The following ACTR3C variants were observed in gnomAD, a reference collection of about 807,000 sequenced individuals.
ACTR3C encodes the protein actin-related protein 3C.
Under a neutral mutation model 26.3 loss-of-function variants are expected in ACTR3C, and 18 were observed. That is an observed-to-expected ratio of 0.68 (90% CI 0.47 to 1.01). The LOEUF (loss-of-function observed/expected upper bound fraction) is 1.01. Ranked by LOEUF, ACTR3C falls within the 50% of genes least tolerant of loss-of-function variation. ACTR3C has a pLI of 0.00. For synonymous variants in ACTR3C, 55 were observed against 94.5 expected, an observed-to-expected ratio of 0.58 and a Z score of 2.42; for missense variants, 184 against 250.7, an observed-to-expected ratio of 0.73 and a Z score of 1.80.
the ACTR3C span, among the ~76,000 whole-genome samples, chr7:150,225,984 A>G: frequency 6.6e-6 from 1 of 152,224 alleles, no homozygotes; most frequent in African/African-American, 2.4e-5. Context: ...TCAGTTAACA[A>G]CATGCATTTA....
At chr7:150,288,008 C>A (rs1835917236) in intron 4 of ACTR3C, among the ~76,000 whole-genome samples, 1 of 146,728 alleles carries the variant, frequency 6.8e-6, no homozygotes, top group Non-Finnish European at 1.5e-5. Context: ...CTCCCTCAGG[C>A]CTGTTCGCGA....
the ACTR3C span, among the ~76,000 whole-genome samples, chr7:150,054,222 G>C: frequency 6.6e-6 from 1 of 152,122 alleles, no homozygotes; most frequent in Non-Finnish European, 1.5e-5. Flanking sequence ...AGTTCTAAAT[G>C]GAATAAGCCA....
the ACTR3C span, among the ~76,000 whole-genome samples, chr7:149,913,140 G>A: frequency 1.2e-4 from 18 of 152,064 alleles, no homozygotes; most frequent in South Asian, 2.1e-4. Context: ...TAAAAAGTAC[G>A]CATCCTCAAA....
At chr7:150,070,330 T>C in the ACTR3C span, among the ~76,000 whole-genome samples, 1 of 152,178 alleles carries the variant, frequency 6.6e-6, no homozygotes, top group Non-Finnish European at 1.5e-5. Flanking sequence ...TCCACGGCAC[T>C]GGACAAAGGA....
chr7:150,170,809 T>A, the ACTR3C span, among the ~76,000 whole-genome samples: 1 of 147,808 alleles, frequency 6.8e-6, no homozygotes, highest in Non-Finnish European at 1.5e-5. Context: ...TTAATATGGG[T>A]CATAAAAGAG....
chr7:150,097,719 G>A, the ACTR3C span, among the ~76,000 whole-genome samples: 3 of 151,446 alleles, frequency 2.0e-5, 1 homozygote, highest in Non-Finnish European at 4.4e-5. Context: ...CATGAGGGAA[G>A]CGACACTGAC....
the ACTR3C span, among the ~76,000 whole-genome samples, chr7:150,019,276 G>T: frequency 6.7e-6 from 1 of 150,276 alleles, no homozygotes; most frequent in Non-Finnish European, 1.5e-5. Flanking sequence ...TTTTGTGAAA[G>T]AATTAATAAC....
the ACTR3C span, among the ~76,000 whole-genome samples, chr7:150,133,597 A>G: frequency 1.3e-5 from 2 of 152,122 alleles, no homozygotes; most frequent in African/African-American, 4.8e-5. Context: ...GCCCAAAGCC[A>G]CCAGCATCCC....
the ACTR3C span, among the ~76,000 whole-genome samples, chr7:149,902,440 G>T: frequency 1.3e-5 from 2 of 150,224 alleles, no homozygotes; most frequent in Non-Finnish European, 3.0e-5. Context: ...TCATAGCCAA[G>T]TAGGATTTAT....
chr7:150,232,150 C>T, the ACTR3C span, among the ~76,000 whole-genome samples: 4,316 of 152,224 alleles, frequency 0.028, 76 homozygotes, highest in South Asian at 0.04. Flanking sequence ...ATTTTTCTTG[C>T]TCTGCTATCT....
chr7:150,318,815 G>A (rs538755101), intron 1 of ACTR3C, among the ~76,000 whole-genome samples: 2 of 152,278 alleles, frequency 1.3e-5, no homozygotes, highest in East Asian at 3.9e-4. Flanking sequence ...CTGGGGGCCC[G>A]TGAGCCCAAA....
At chr7:150,134,231 G>GTAA in the ACTR3C span, among the ~76,000 whole-genome samples, 1 of 125,488 alleles carries the variant, frequency 8.0e-6, no homozygotes, top group Non-Finnish European at 1.6e-5. Flanking sequence ...GCTATATGCA[G>GTAA]TAAAAAAAAA....
chr7:150,001,422 G>A, the ACTR3C span: 1 of 152,296 alleles, frequency 6.6e-6, no homozygotes, highest in African/African-American at 2.4e-5. Context: ...TCCTCCTGTG[G>A]AGACGTTGTC....
the ACTR3C span, among the ~76,000 whole-genome samples, chr7:150,069,343 G>C: frequency 3.5e-3 from 534 of 152,090 alleles, 2 homozygotes; most frequent in African/African-American, 0.011. Context: ...TCTGAGATGA[G>C]AGAAGAGGTC....
At chr7:150,229,922 CT>C in the ACTR3C span, among the ~76,000 whole-genome samples, 1 of 151,724 alleles carries the variant, frequency 6.6e-6, no homozygotes, top group Non-Finnish European at 1.5e-5. Flanking sequence ...TTTTAAAATA[CT>C]TGGCAGAATT....
chr7:150,060,521 T>G, the ACTR3C span, among the ~76,000 whole-genome samples: 1 of 152,176 alleles, frequency 6.6e-6, no homozygotes, highest in African/African-American at 2.4e-5. Flanking sequence ...CCTCTCCACT[T>G]ACAGTTTTTG....
chr7:150,305,967 A>G (rs1795777970), intron 1 of ACTR3C, among the ~76,000 whole-genome samples: 1 of 152,096 alleles, frequency 6.6e-6, no homozygotes, highest in Non-Finnish European at 1.5e-5. Flanking sequence ...CTCCCCTTTA[A>G]CTATTCCATT....
chr7:150,138,623 A>T, the ACTR3C span, among the ~76,000 whole-genome samples: 3 of 152,260 alleles, frequency 2.0e-5, no homozygotes, highest in Non-Finnish European at 4.4e-5. Context: ...CAGCAAAGTG[A>T]TGCCACCACC....
At chr7:150,158,277 T>C in the ACTR3C span, among the ~76,000 whole-genome samples, 1 of 152,060 alleles carries the variant, frequency 6.6e-6, no homozygotes, top group Admixed American at 6.5e-5. Context: ...TGGAAAGTAG[T>C]ATGGAGGTTC....
Sources: allele counts gnomAD v4.1 joint callset (sites outside exome capture counted in the v4.1 genomes callset), GRCh38; gene constraint gnomAD v4.1.1; transcripts MANE v1.5; gene names NCBI Gene and HGNC (gene_info 2026-07-23, HGNC 2026-07-21).